Variants in UNC79 observed in about 807,000 individuals in gnomAD.
UNC79 encodes protein unc-79 homolog.
Under a neutral mutation model 283.1 loss-of-function variants are expected in UNC79, and 37 were observed. The ratio of observed to expected loss-of-function variants is 0.13; its 90% CI spans 0.10 to 0.17. The LOEUF is 0.17. Among genes scored for constraint, UNC79 ranks in the 10% least tolerant of loss-of-function variants. The probability of loss-of-function intolerance (pLI) is 1.00; values close to 1 mark genes in which losing one functional copy is unlikely to be tolerated. For missense variants in UNC79, 2,272 were observed against 3,211.1 expected (o/e 0.71, Z 7.07); for synonymous variants, 1,107 against 1,200.2 (o/e 0.92, Z 1.61).
chr14:93,584,483 G>C (rs1246905538), intron 20 of UNC79, among the ~76,000 whole-genome samples: 1 of 152,168 alleles, frequency 6.6e-6, no homozygotes, highest in Non-Finnish European at 1.5e-5. Flanking sequence ...ACTTGTTGTA[G>C]GTGCTGCAGC....
chr14:93,550,209 A>G (rs991828462), intron 14 of UNC79, among the ~76,000 whole-genome samples: 1 of 152,206 alleles, frequency 6.6e-6, no homozygotes, highest in African/African-American at 2.4e-5. Flanking sequence ...TTTCATTTCC[A>G]TACAGCTAGT....
At chr14:93,629,860 G>T (rs962468145) in intron 30 of UNC79, among the ~76,000 whole-genome samples, 1 of 152,192 alleles carries the variant, frequency 6.6e-6, no homozygotes, top group Non-Finnish European at 1.5e-5. Flanking sequence ...AGTCATGGGA[G>T]CCCATGGTGG....
intron 33 of UNC79, among the ~76,000 whole-genome samples, 170 bp from the exon 37 acceptor site, chr14:93,643,387 C>T (rs1166129681): frequency 1.3e-5 from 2 of 152,154 alleles, no homozygotes; most frequent in Admixed American, 6.5e-5. Flanking sequence ...GTTTCTGTAT[C>T]TGTGGTGATG....
chr14:93,572,169 T>A, intron 15 of UNC79, 85 bp downstream of exon 15: 1 of 1,393,558 alleles, frequency 7.2e-7, no homozygotes, highest in Non-Finnish European at 9.6e-7. Flanking sequence ...GTCACCCTAC[T>A]AAGCGTTTTA....
At chr14:93,462,485 G>A (rs1159143951) in intron 1 of UNC79, among the ~76,000 whole-genome samples, 1 of 152,194 alleles carries the variant, frequency 6.6e-6, no homozygotes, top group Non-Finnish European at 1.5e-5. Context: ...ACTGTATGAA[G>A]CAGTTTATAA....
intron 1 of UNC79, among the ~76,000 whole-genome samples, chr14:93,464,065 C>G (rs978316816): frequency 6.6e-6 from 1 of 152,080 alleles, no homozygotes; most frequent in Non-Finnish European, 1.5e-5. Context: ...AGGAGAATGG[C>G]GTGAACCCAG....
At chr14:93,497,988 A>G (rs1358675146) in intron 7 of UNC79, among the ~76,000 whole-genome samples, 1 of 151,062 alleles carries the variant, frequency 6.6e-6, no homozygotes, top group Non-Finnish European at 1.5e-5. Flanking sequence ...CTGTCTAAAA[A>G]AAAAATTAAG....
chr14:93,348,186 A>T lies in UNC79; in HGVS notation c.-351+14663A>T, dbSNP rs2053907843. The T allele has an allele frequency of 4.1e-6, 4 of 969,618 alleles. No individual in the cohort carries two copies. In the South Asian group the frequency reaches 5.3e-5, roughly 13 times the overall value. 60.1% of individuals were successfully genotyped at this position (969,618 alleles called of 1,614,324 possible). A position where few individuals can be genotyped will look rare whatever the true frequency, so the allele number is the denominator to read the frequency against. ...TTTCAGAAAAAGCTGTGTTTTTGTT[A>T]ACGAGCAAAATTGCCTAGTTGAGTT... On this transcript the variant is annotated intron_variant, in intron 1 of 49. Coordinates refer to the UNC79 transcript ENST00000256339.
At chr14:93,534,046 C>T (rs1008320670) in intron 11 of UNC79, among the ~76,000 whole-genome samples, 2 of 152,202 alleles carry the variant, frequency 1.3e-5, no homozygotes, top group African/African-American at 4.8e-5. Flanking sequence ...GCACCCAAGA[C>T]ACAATGTTGA....
At chr14:93,362,231 A>AT (rs1425003831) in intron 1 of UNC79, among the ~76,000 whole-genome samples, 8 of 151,542 alleles carry the variant, frequency 5.3e-5, no homozygotes, top group South Asian at 2.1e-4. Flanking sequence ...CTTCTTTGTC[A>AT]TTTTTTTTGA....
chr14:93,578,009 T>C (rs763814668), exon 18 of UNC79: 1 of 1,614,264 alleles, frequency 6.2e-7, no homozygotes, highest in Admixed American at 1.7e-5. Flanking sequence ...ATTGTGAAGA[T>C]GATGAAATGA....
At chr14:93,396,669 G>A (rs1043388329) in intron 1 of UNC79, among the ~76,000 whole-genome samples, 8 of 151,948 alleles carry the variant, frequency 5.3e-5, no homozygotes, top group Admixed American at 2.0e-4. Context: ...TGTGGCTATT[G>A]AAGTCTCTGC....
At chr14:93,373,233 C>T (rs978917575) in intron 1 of UNC79, among the ~76,000 whole-genome samples, 5 of 152,058 alleles carry the variant, frequency 3.3e-5, no homozygotes, top group African/African-American at 1.2e-4. Context: ...TAAGCTTCCA[C>T]CTTAGAAAAC....
chr14:93,593,692 C>T (rs143848054), exon 23 of UNC79: 20 of 1,611,636 alleles, frequency 1.2e-5, no homozygotes, highest in African/African-American at 2.7e-5. Flanking sequence ...TGTGGAGGGT[C>T]GTCAAATCCG....
At chr14:93,582,406 C>G (rs17129111) in intron 20 of UNC79, 62 bp downstream of exon 20, 3 of 1,587,448 alleles carry the variant, frequency 1.9e-6, no homozygotes, top group Non-Finnish European at 2.6e-6. Flanking sequence ...CTCAAATCAC[C>G]GGGTTCTTGG....
chr14:93,462,760 A>G lies in UNC79; in HGVS notation c.23-4911A>G, dbSNP rs1335100513. On this transcript the variant is annotated intron_variant, in intron 1 of 48. Coordinates refer to ENST00000555664, the Ensembl canonical transcript of UNC79. ...ATAGGGTCTGTCAAGGATGAGCTTTAGAATGCTTTGCTTGAGTGACTTGGT... is the reference window on the plus strand; with the variant it reads ...ATAGGGTCTGTCAAGGATGAGCTTTGGAATGCTTTGCTTGAGTGACTTGGT... Among the ~76,000 whole-genome samples, 4 of 152,204 alleles carry G rather than the reference A, an allele frequency of 2.6e-5. No individual in the cohort carries two copies. The East Asian group carries it at 7.7e-4, about 29-fold the overall frequency.
At chr14:93,410,799 A>G (rs1468301941) in intron 1 of UNC79, among the ~76,000 whole-genome samples, 3 of 152,130 alleles carry the variant, frequency 2.0e-5, no homozygotes, top group African/African-American at 7.2e-5. Flanking sequence ...TGAATAACCA[A>G]CAGTGATGCC....
At chr14:93,434,328 G>A (rs2056001924) in intron 1 of UNC79, among the ~76,000 whole-genome samples, 1 of 152,190 alleles carries the variant, frequency 6.6e-6, no homozygotes, top group African/African-American at 2.4e-5. Context: ...AAAACAGGAG[G>A]TGAAAGCTTC....
At chr14:93,514,578 CT>C (rs1227715743) in intron 7 of UNC79, among the ~76,000 whole-genome samples, 1 of 152,236 alleles carries the variant, frequency 6.6e-6, no homozygotes, top group African/African-American at 2.4e-5. Flanking sequence ...GAGGGATGCC[CT>C]TCCACTGATC....
Sources: gnomAD v4.1 joint callset for allele counts (sites outside exome capture counted in the v4.1 genomes callset) on GRCh38, gnomAD v4.1.1 for gene constraint, MANE v1.5 for transcripts, NCBI Gene and HGNC (gene_info 2026-07-23, HGNC 2026-07-21) for gene names.